Variants in PKHD1 observed in about 807,000 individuals in gnomAD.
PKHD1 encodes the protein fibrocystin.
PKHD1 carries 291 observed loss-of-function variants against 412.0 expected under a neutral mutation model. The observed-to-expected ratio is 0.71, with a 90% CI of 0.64 to 0.78. PKHD1 has a LOEUF of 0.78. Ranked by LOEUF, PKHD1 falls within the 30% of genes least tolerant of loss-of-function variation. PKHD1 has a pLI of 0.00. For synonymous variants in PKHD1, 1,777 were observed against 1,821.5 expected (o/e 0.98, Z 0.62); for missense variants, 4,825 against 4,950.7 (o/e 0.97, Z 0.76).
chr6:51,854,479 G>A lies in PKHD1; in HGVS notation c.7911+1414C>T, dbSNP rs1024110391. ...TGGAGAGGGTGTGTTTCACTGGGGG[G>A]AAACCCACTCGTCTGGGCTGCCGGG... On this transcript the variant is annotated intron_variant, in intron 49 of 66. Coordinates refer to ENST00000371117, the MANE Select transcript of PKHD1 (RefSeq NM_138694.4). 3.3e-5 allele frequency among the ~76,000 whole-genome samples: 5 copies of A among 152,270 alleles called. 1 individual carries two copies. Among genetic ancestry groups the A allele is most frequent in the South Asian group, 4.2e-4 (2 of 4,818 alleles).
At chr6:51,736,913 T>C (rs956966404) in intron 60 of PKHD1, among the ~76,000 whole-genome samples, 1 of 152,202 alleles carries the variant, frequency 6.6e-6, no homozygotes, top group Non-Finnish European at 1.5e-5. Flanking sequence ...CCACTCTCTG[T>C]TAAGTAGCTG....
intron 35 of PKHD1, among the ~76,000 whole-genome samples, chr6:52,003,082 A>G (rs1321263118): frequency 1.3e-5 from 2 of 152,200 alleles, no homozygotes; most frequent in African/African-American, 4.8e-5. Context: ...AAAGAGATAA[A>G]TTTCTTAAAA....
chr6:52,058,520 G>A lies in PKHD1; in HGVS notation c.1315C>T (p.Gln439Ter). The A allele has an allele frequency of 6.2e-7, 1 of 1,614,172 alleles. No homozygotes were observed. Among genetic ancestry groups the A allele is most frequent in the South Asian group, 1.1e-5 (1 of 91,082 alleles). ...AACAGCTCCAACTTGGGAGTCTTCTGCTGCCAGGTCCCTTCATCCCTATTC... is the reference window on the plus strand; with the variant it reads ...AACAGCTCCAACTTGGGAGTCTTCTACTGCCAGGTCCCTTCATCCCTATTC... ...EQNRDEGTWQ[Q>*]KTPKLELLGG... The change falls in exon 16 of 67, where the codon CAG (glutamine) becomes TAG (stop). Residue 439 changes from glutamine to a stop codon, truncating the protein, a stop_gained. Transcript: ENST00000371117. LOFTEE classifies it high-confidence loss of function.
In PKHD1 at chr6:51,659,440, G is replaced by A; in HGVS notation, c.10686C>T (p.His3562=). The change falls in exon 61 of 67, where the codon CAC becomes CAT. Residue 3562 remains histidine, a synonymous_variant. Coordinates refer to ENST00000371117, the MANE Select transcript of PKHD1 (RefSeq NM_138694.4). ...PIEIRSGVSI[H]LALTVMVSVL... ...CTGAAACCATCACAGTGAGGGCCAA[G>A]TGAATGGAAACACCTGAGCGTATTT... 1 of 1,613,696 alleles carries A rather than the reference G, an allele frequency of 6.2e-7. No individual in the cohort carries two copies. The highest frequency in any genetic ancestry group is 8.5e-7 in the Non-Finnish European group (1 of 1,179,850).
rs543075574 is a variant in PKHD1, at chr6:51,896,506, C to T, written c.6996+7091G>A. 5.6e-3 allele frequency among the ~76,000 whole-genome samples: 844 copies of T among 152,016 alleles called. 5 individuals are homozygous for T. Among genetic ancestry groups the T allele is most frequent in the African/African-American group, 0.018 (735 of 41,458 alleles). ...CAGAAAGGACATCCACACCAAAAAC[C>T]CATCTGTACATCACCATCATCAAAG... On this transcript the variant is annotated intron_variant, in intron 43 of 66. Coordinates refer to ENST00000371117, the MANE Select transcript of PKHD1 (RefSeq NM_138694.4).
chr6:51,711,702 C>G (rs549275119), intron 60 of PKHD1, among the ~76,000 whole-genome samples: 1 of 152,192 alleles, frequency 6.6e-6, no homozygotes, highest in East Asian at 1.9e-4. Context: ...GAAAACAAAC[C>G]AATAAAGAAC....
At chr6:51,643,045 C>G (rs909895384) in intron 63 of PKHD1, among the ~76,000 whole-genome samples, 1 of 151,930 alleles carries the variant, frequency 6.6e-6, no homozygotes, top group Non-Finnish European at 1.5e-5. Flanking sequence ...GTAAATATTA[C>G]CAGAACATGA....
At position 52,049,487 on chromosome 6, in the gene PKHD1, C is replaced by A. The variant is rs1194506475; in HGVS notation, c.2279+670G>T. ...GTGAATATATATATCCCTACACCCA[C>A]ATATACATATACATACATCAAAGGC... On this transcript the variant is annotated intron_variant, in intron 22 of 66. Coordinates refer to ENST00000371117, the MANE Select transcript of PKHD1 (RefSeq NM_138694.4). Among the ~76,000 whole-genome samples, 5 of 152,218 alleles carry A rather than the reference C, an allele frequency of 3.3e-5. No individual in the cohort carries two copies. The South Asian group carries it at 6.2e-4, about 19-fold the overall frequency.
At chr6:51,649,247 A>G in intron 61 of PKHD1, 27 bp from the exon 62 acceptor site, 1 of 1,567,092 alleles carries the variant, frequency 6.4e-7, no homozygotes, top group Non-Finnish European at 8.8e-7. Context: ...CAAACAAAAT[A>G]CATCCTTAGG....
chr6:51,963,656 A>G (rs1004250382), intron 35 of PKHD1, among the ~76,000 whole-genome samples: 1 of 152,058 alleles, frequency 6.6e-6, no homozygotes, highest in African/African-American at 2.4e-5. Context: ...GAAATGCTCC[A>G]TGAAACAGTG....
In PKHD1 at chr6:51,903,715, T is replaced by C. The variant is rs1222310393; in HGVS notation, c.6878A>G (p.His2293Arg). ...CACGTTGTTTCTTATTATATTTCCA[T>C]GTCCTGACCAGTCTAATGTTTCAAC... ...IHGRKDDWSG[H>R]GNIIRNNVII... is the part of the protein sequence containing the mutation. Residue 2293 changes from histidine (H) to arginine (R), a missense_variant, in exon 43 of 67, where the codon CAT becomes CGT. Physicochemically the swap from His to Arg is conservative, Grantham distance 29. Transcript: ENST00000371117. The C allele has an allele frequency of 6.2e-7, 1 of 1,611,042 alleles. No homozygotes were observed. Among genetic ancestry groups the C allele is most frequent in the Admixed American group, 1.7e-5 (1 of 59,920 alleles).
chr6:51,936,799 G>C (rs1186757175), intron 36 of PKHD1, among the ~76,000 whole-genome samples: 1 of 131,198 alleles, frequency 7.6e-6, no homozygotes, highest in Non-Finnish European at 1.6e-5. Flanking sequence ...AGACTCTGTA[G>C]CAATAAGACA....
At chr6:51,818,000 G>T (rs1342447584) in intron 52 of PKHD1, among the ~76,000 whole-genome samples, 2 of 152,150 alleles carry the variant, frequency 1.3e-5, no homozygotes, top group East Asian at 3.9e-4. Context: ...GCACCATCTA[G>T]GTAAGAGCAA....
At chr6:52,066,450 A>G (rs1247621656) in intron 11 of PKHD1, among the ~76,000 whole-genome samples, 4 of 152,222 alleles carry the variant, frequency 2.6e-5, no homozygotes, top group Non-Finnish European at 5.9e-5. Flanking sequence ...ACACTGGGAA[A>G]GGCTTCAGTT....
intron 52 of PKHD1, among the ~76,000 whole-genome samples, chr6:51,824,094 T>A (rs1431215543): frequency 1.3e-5 from 2 of 152,134 alleles, no homozygotes; most frequent in East Asian, 3.8e-4. Context: ...TCATAGCATT[T>A]TACAATTTAT....
At chr6:51,843,128 T>A (rs1770529824) in intron 50 of PKHD1, among the ~76,000 whole-genome samples, 2 of 152,216 alleles carry the variant, frequency 1.3e-5, no homozygotes, top group Admixed American at 1.3e-4. Flanking sequence ...GAGAGGATCG[T>A]TAGAGAGGCT....
intron 35 of PKHD1, among the ~76,000 whole-genome samples, chr6:52,009,455 C>A (rs191340370): frequency 1.3e-5 from 2 of 152,066 alleles, no homozygotes; most frequent in African/African-American, 4.8e-5. Flanking sequence ...TCTGGTACGG[C>A]GAGTGCCACA....
At chr6:52,048,220 T>C (rs1167425670) in intron 23 of PKHD1, among the ~76,000 whole-genome samples, 2 of 152,234 alleles carry the variant, frequency 1.3e-5, no homozygotes, top group African/African-American at 2.4e-5. Context: ...AGTTTGTGGT[T>C]AACTCCTTAC....
At chr6:52,044,390 G>A (rs917180524) in intron 25 of PKHD1, among the ~76,000 whole-genome samples, 2 of 152,192 alleles carry the variant, frequency 1.3e-5, no homozygotes, top group Non-Finnish European at 2.9e-5. Flanking sequence ...ATTAAAGGAA[G>A]AGGTATTGCA....
Sources: allele counts gnomAD v4.1 joint callset (sites outside exome capture counted in the v4.1 genomes callset), GRCh38; gene constraint gnomAD v4.1.1; transcripts MANE v1.5; gene names NCBI Gene and HGNC (gene_info 2026-07-23, HGNC 2026-07-21).